RFX4: variants seen among roughly 807,000 people sequenced by gnomAD.
RFX4 encodes the protein transcription factor RFX4.
A neutral mutation model predicts 95.0 loss-of-function variants in RFX4; 10 were observed. The ratio of observed to expected loss-of-function variants is 0.11; its 90% CI spans 0.06 to 0.18. The LOEUF (loss-of-function observed/expected upper bound fraction) is 0.18. Among genes scored for constraint, RFX4 ranks in the 10% least tolerant of loss-of-function variants. The pLI is 1.00. For synonymous variants in RFX4, 321 were observed against 340.7 expected (o/e 0.94, Z 0.64); for missense variants, 640 against 922.0 (o/e 0.69, Z 3.96).
At chr12:106,623,457 C>CT (rs1171490106) in intron 2 of RFX4, among the ~76,000 whole-genome samples, 1 of 152,184 alleles carries the variant, frequency 6.6e-6, no homozygotes. Context: ...CTCATCACCC[C>CT]TGCTTAGTGA....
chr12:106,715,474 C>T lies in RFX4; in HGVS notation c.1068C>T (p.Asn356=), dbSNP rs756275633. 3.1e-6 allele frequency: 5 copies of T among 1,614,224 alleles called. No homozygotes were observed. The Admixed American group carries it at 6.7e-5, about 22-fold the overall frequency. ...MLEDWRNVDL[N]SITKQTLYTM... is the part of the protein sequence containing the mutation. Reference sequence around the variant, plus strand: ...AAGACTGGAGGAACGTGGACCTGAACAGCATCACCAAGCAAACCCTTTACA... The same window carrying T: ...AAGACTGGAGGAACGTGGACCTGAATAGCATCACCAAGCAAACCCTTTACA... The change falls in exon 11 of 18, where the codon AAC becomes AAT. Residue 356 remains asparagine, a synonymous_variant. Transcript: ENST00000392842.
intron 2 of RFX4, among the ~76,000 whole-genome samples, chr12:106,614,571 C>T (rs1472610521): frequency 2.7e-5 from 4 of 148,258 alleles, no homozygotes; most frequent in Non-Finnish European, 4.5e-5. Flanking sequence ...TGCAGTGGCG[C>T]GATCTCGGCT....
At position 106,761,999 on chromosome 12, in the gene RFX4, T is replaced by G. The variant is rs1169904680; in HGVS notation, c.*530T>G. Reference sequence around the variant, plus strand: ...CCCTTCTTCCTGGTGGTACCATCCCTATTTCCTGGAGCACCAGGGCTAAAT... The same window carrying G: ...CCCTTCTTCCTGGTGGTACCATCCCGATTTCCTGGAGCACCAGGGCTAAAT... On this transcript the variant is annotated 3_prime_UTR_variant, in exon 18 of 18. Coordinates refer to ENST00000392842, the MANE Select transcript of RFX4 (RefSeq NM_213594.3). 6.5e-6 allele frequency: 1 copy of G among 152,764 alleles called. No individual in the cohort carries two copies. The highest frequency in any genetic ancestry group is 1.5e-5 in the Non-Finnish European group (1 of 68,114). 9.5% of individuals were successfully genotyped at this position (152,764 alleles called of 1,614,324 possible).
chr12:106,741,791 A>G (rs969578899), intron 15 of RFX4, among the ~76,000 whole-genome samples: 2 of 152,132 alleles, frequency 1.3e-5, no homozygotes, highest in Admixed American at 1.3e-4. Flanking sequence ...ATTTTTCTAT[A>G]GACTGGGGAA....
intron 8 of RFX4, among the ~76,000 whole-genome samples, chr12:106,702,112 T>C (rs964506250): frequency 6.6e-6 from 1 of 152,212 alleles, no homozygotes; most frequent in Non-Finnish European, 1.5e-5. Flanking sequence ...CTTTTTCCAT[T>C]AGAGCTTTTA....
At chr12:106,684,598 T>C (rs2041601682) in intron 5 of RFX4, 4 of 961,682 alleles carry the variant, frequency 4.2e-6, no homozygotes, top group Non-Finnish European at 5.8e-6. Context: ...GATCTGGCTC[T>C]TAAGAAGTTA....
chr12:106,728,527 G>A (rs2042547850), intron 13 of RFX4, among the ~76,000 whole-genome samples: 1 of 152,054 alleles, frequency 6.6e-6, no homozygotes, highest in Non-Finnish European at 1.5e-5. Flanking sequence ...CAATCTAGTG[G>A]AGGAGGCATG....
rs974960658 is a variant in RFX4, at chr12:106,762,245, GTTT to G, written c.*784_*786del. On this transcript the variant is annotated 3_prime_UTR_variant, in exon 18 of 18. Coordinates refer to ENST00000392842, the MANE Select transcript of RFX4 (RefSeq NM_213594.3). ...CAGCAAAAGGCAGGAGAGGGTTTTT[GTTT>G]TTTTTTTAAGTTCTATGAGAATGTG... is the stretch of plus-strand genomic sequence containing the variant. 1 of 148,908 alleles carries G rather than the reference GTTT, an allele frequency of 6.7e-6. No homozygotes were observed. The highest frequency in any genetic ancestry group is 2.0e-4 in the East Asian group (1 of 5,060). The allele number at this position is 148,908 out of a possible 1,614,324, so 9.2% of individuals were successfully genotyped here.
intron 2 of RFX4, among the ~76,000 whole-genome samples, chr12:106,610,707 TA>T (rs943355498): frequency 4.6e-5 from 7 of 152,264 alleles, no homozygotes; most frequent in Non-Finnish European, 7.3e-5. Flanking sequence ...CTTTATCCAT[TA>T]AGACATTGAT....
At chr12:106,629,175 G>A (rs1039137150) in intron 2 of RFX4, among the ~76,000 whole-genome samples, 1 of 151,944 alleles carries the variant, frequency 6.6e-6, no homozygotes, top group African/African-American at 2.4e-5. Flanking sequence ...CATAGAAAGC[G>A]TCCTCATTCT....
At chr12:106,702,528 G>C (rs1375556418) in intron 8 of RFX4, among the ~76,000 whole-genome samples, 2 of 152,186 alleles carry the variant, frequency 1.3e-5, no homozygotes, top group African/African-American at 4.8e-5. Context: ...AGTTGCTTAA[G>C]ACTTGGTGCT....
At chr12:106,700,272 T>A (rs1409941918) in intron 8 of RFX4, among the ~76,000 whole-genome samples, 1 of 152,100 alleles carries the variant, frequency 6.6e-6, no homozygotes, top group African/African-American at 2.4e-5. Context: ...GCTCAAGGAA[T>A]CCTCCTGCCT....
chr12:106,594,591 A>G (rs996909207), intron 1 of RFX4, among the ~76,000 whole-genome samples: 3 of 152,152 alleles, frequency 2.0e-5, no homozygotes, highest in African/African-American at 7.2e-5. Context: ...GGCACAGCTG[A>G]GGAGGCGCTG....
intron 3 of RFX4, chr12:106,645,908 C>T (rs182008677): frequency 1.6e-5 from 21 of 1,289,106 alleles, no homozygotes; most frequent in East Asian, 1.1e-4. Context: ...TGTGTCCCTC[C>T]GGATGACCTC....
chr12:106,720,762 G>A lies in RFX4; in HGVS notation c.1237G>A (p.Ala413Thr), dbSNP rs2042382464. 6.2e-7 allele frequency: 1 copy of A among 1,613,866 alleles called. No individual in the cohort carries two copies. ...AAAGCCATTTACTTTCTTGTAGGTGGCTGCCAAGAGACAAGGGTCCTTGAA... is the reference window on the plus strand; with the variant it reads ...AAAGCCATTTACTTTCTTGTAGGTGACTGCCAAGAGACAAGGGTCCTTGAA... Reference protein sequence around the residue: ...TMVDRCVVKVAAKRQGSLKKV... With the variant: ...TMVDRCVVKVTAKRQGSLKKV... Residue 413 changes from alanine (A) to threonine (T), a missense_variant, in exon 13 of 18, where the codon GCT (alanine) becomes ACT (threonine). This residue lies in a region of RFX4 where 72 missense variants were observed against 80.5 expected (regional missense o/e 0.89). Transcript: ENST00000392842. This position sits in a 1 kb window ranked among gnomAD's most constrained non-coding sequence, Gnocchi z 4.2.
intron 10 of RFX4, chr12:106,715,184 G>C: frequency 1.9e-6 from 1 of 531,196 alleles, no homozygotes. Flanking sequence ...TTCTTGTAGA[G>C]AAAAAGAGAT....
chr12:106,654,147 T>C (rs2040910541), intron 3 of RFX4, 81 bp from the exon 4 acceptor site: 1 of 1,575,756 alleles, frequency 6.3e-7, no homozygotes, highest in African/African-American at 1.4e-5. Flanking sequence ...ACTGCCCATC[T>C]CTGGAGGACT....
chr12:106,738,582 A>G (rs2042752947), intron 15 of RFX4, among the ~76,000 whole-genome samples: 1 of 152,238 alleles, frequency 6.6e-6, no homozygotes. Context: ...GGTTCTCTTC[A>G]GATGATTTTA....
At chr12:106,585,787 T>C (rs1432880750) in intron 1 of RFX4, 1 of 152,170 alleles carries the variant, frequency 6.6e-6, no homozygotes, top group Non-Finnish European at 1.5e-5. Flanking sequence ...TGGGGCGAAG[T>C]AGGAAACGTC....
Sources: allele counts gnomAD v4.1 joint callset (sites outside exome capture counted in the v4.1 genomes callset), GRCh38; gene constraint gnomAD v4.1.1; regional missense constraint gnomAD v4.1.1; non-coding constraint Gnocchi (gnomAD v3.1); transcripts MANE v1.5; gene names NCBI Gene and HGNC (gene_info 2026-07-23, HGNC 2026-07-21).